Variants in PRIMA1 observed in about 807,000 individuals in gnomAD.
The protein encoded by PRIMA1 is proline-rich membrane anchor 1.
Under a neutral mutation model 17.5 loss-of-function variants are expected in PRIMA1, and 7 were observed. The ratio of observed to expected loss-of-function variants is 0.40; its 90% CI spans 0.23 to 0.75. The LOEUF (loss-of-function observed/expected upper bound fraction) is 0.75. Ranked by LOEUF, PRIMA1 falls within the 30% of genes least tolerant of loss-of-function variation. The pLI is 0.37. For synonymous variants in PRIMA1, 97 were observed against 77.9 expected, an observed-to-expected ratio of 1.25 and a Z score of -1.29; for missense variants, 200 against 201.8, an observed-to-expected ratio of 0.99 and a Z score of 0.05.
chr14:93,739,075 G>A (rs889772759), intron 3 of PRIMA1, among the ~76,000 whole-genome samples: 6 of 149,796 alleles, frequency 4.0e-5, no homozygotes, highest in Non-Finnish European at 7.4e-5. Context: ...TTTTTGAGAC[G>A]GAGTTTCGCT....
chr14:93,722,605 T>TG, intron 4 of PRIMA1, among the ~76,000 whole-genome samples: 1 of 141,320 alleles, frequency 7.1e-6, no homozygotes, highest in African/African-American at 2.5e-5. Flanking sequence ...ATGGTGGTTA[T>TG]ATGGTGGTGG....
intron 3 of PRIMA1, among the ~76,000 whole-genome samples, chr14:93,769,133 G>A (rs964693494): frequency 2.0e-5 from 3 of 152,218 alleles, no homozygotes; most frequent in Admixed American, 2.0e-4. Context: ...TTGTACAGAG[G>A]GGAATGCAAG....
intron 3 of PRIMA1, among the ~76,000 whole-genome samples, chr14:93,744,133 A>C (rs1170606018): frequency 6.6e-6 from 1 of 152,198 alleles, no homozygotes; most frequent in Non-Finnish European, 1.5e-5. Context: ...CAGGGACCAG[A>C]CCCAGGTCCT....
rs2076076105 is a variant in PRIMA1 at position 93,726,380 on chromosome 14, T to C, written c.360-4834A>G. On this transcript the variant is annotated intron_variant, in intron 4 of 4. Coordinates refer to ENST00000393140, the MANE Select transcript of PRIMA1 (RefSeq NM_178013.4). The surrounding 1 kb of genome is among the most constrained non-coding windows in gnomAD (Gnocchi z 4.2). ...TCTGGGAGCCTAAGAAGGGAGGCTG[T>C]CTTCCTGCCTCATGCGCCCCTGGGA... Among the ~76,000 whole-genome samples, 2 of 152,094 alleles carry C rather than the reference T, an allele frequency of 1.3e-5. No individual in the cohort carries two copies. The highest frequency in any genetic ancestry group is 2.4e-5 in the African/African-American group (1 of 41,406).
At chr14:93,769,902 C>CT (rs1033226174) in intron 3 of PRIMA1, among the ~76,000 whole-genome samples, 12 of 152,170 alleles carry the variant, frequency 7.9e-5, no homozygotes, top group African/African-American at 2.4e-4. Flanking sequence ...GAGCCACCGC[C>CT]TTCCTTGCAC....
intron 3 of PRIMA1, among the ~76,000 whole-genome samples, chr14:93,760,060 C>A (rs1347439396): frequency 1.3e-5 from 2 of 152,214 alleles, no homozygotes; most frequent in African/African-American, 4.8e-5. Context: ...CCGAGGGCTG[C>A]CTGACCATAT....
chr14:93,769,649 C>T (rs992987509), intron 3 of PRIMA1, among the ~76,000 whole-genome samples: 11 of 152,190 alleles, frequency 7.2e-5, no homozygotes, highest in African/African-American at 2.7e-4. Flanking sequence ...AGGCGGGTCA[C>T]GGGGACTGGC....
intron 3 of PRIMA1, among the ~76,000 whole-genome samples, chr14:93,765,814 C>A (rs537577864): frequency 2.6e-5 from 4 of 152,332 alleles, no homozygotes; most frequent in African/African-American, 7.2e-5. Context: ...CCAATCCTAG[C>A]ACCCCCAGTT....
chr14:93,720,585 G>A lies in PRIMA1; in HGVS notation c.*859C>T, dbSNP rs1257056673. On this transcript the variant is annotated 3_prime_UTR_variant, in exon 5 of 5. Transcript: ENST00000393140. ...CCACAGTGGATTTGGCACAAGTAGT[G>A]GCCTCTGCTGACTAAGGCAGGGCCT... 2.0e-5 allele frequency: 3 copies of A among 152,950 alleles called. No individual in the cohort carries two copies. Among genetic ancestry groups the A allele is most frequent in the African/African-American group, 7.2e-5 (3 of 41,464 alleles). The allele number at this position is 152,950 out of a possible 1,614,324, so 9.5% of individuals were successfully genotyped here.
At chr14:93,785,824 ATTGAT>A (rs1350107666) in intron 2 of PRIMA1, among the ~76,000 whole-genome samples, 1 of 151,976 alleles carries the variant, frequency 6.6e-6, no homozygotes, top group Non-Finnish European at 1.5e-5. Flanking sequence ...TTTTATGAAA[ATTGAT>A]TTGTATTGAG....
At chr14:93,727,590 A>C (rs1428964151) in intron 4 of PRIMA1, among the ~76,000 whole-genome samples, 1 of 152,064 alleles carries the variant, frequency 6.6e-6, no homozygotes, top group East Asian at 1.9e-4. Context: ...CTGAAACTCC[A>C]GGGACAATGC....
intron 3 of PRIMA1, among the ~76,000 whole-genome samples, chr14:93,768,680 A>G (rs139290453): frequency 2.9e-4 from 44 of 152,354 alleles, no homozygotes; most frequent in Non-Finnish European, 5.7e-4. Flanking sequence ...GTAAATTAAA[A>G]TATGTATAAA....
chr14:93,719,515 GGT>G lies in PRIMA1; in HGVS notation c.*1927_*1928del, dbSNP rs1224808309. On this transcript the variant is annotated 3_prime_UTR_variant, in exon 5 of 5. Coordinates refer to ENST00000393140, the MANE Select transcript of PRIMA1 (RefSeq NM_178013.4). ...CTTTCTCATGGTTGCAGCACAGGGT[GGT>G]GTGTGCTTAGGGCTAGGGTCCTGCC... 1 of 152,534 alleles carries G rather than the reference GGT, an allele frequency of 6.6e-6. No homozygotes were observed. The highest frequency in any genetic ancestry group is 1.5e-5 in the Non-Finnish European group (1 of 68,304). The allele number at this position is 152,534 out of a possible 1,614,324, so 9.4% of individuals were successfully genotyped here.
intron 3 of PRIMA1, among the ~76,000 whole-genome samples, chr14:93,750,490 G>T (rs2076253189): frequency 6.6e-6 from 1 of 152,178 alleles, no homozygotes; most frequent in Admixed American, 6.5e-5. Context: ...TTTGCAGAGG[G>T]GTTCAGGGTC....
At chr14:93,749,850 C>T (rs544528950) in intron 3 of PRIMA1, among the ~76,000 whole-genome samples, 1 of 152,096 alleles carries the variant, frequency 6.6e-6, no homozygotes, top group South Asian at 2.1e-4. Context: ...TGTGACCAGC[C>T]TGGGCAACAT....
chr14:93,741,248 A>T (rs1280535921), intron 3 of PRIMA1, among the ~76,000 whole-genome samples: 1 of 152,196 alleles, frequency 6.6e-6, no homozygotes, highest in Non-Finnish European at 1.5e-5. Flanking sequence ...GAGGAAGTCT[A>T]GGAGGTGTTA....
Position 93,721,349 on chromosome 14 carries a change from G to T in PRIMA1, c.*95C>A. 1 of 762,120 alleles carries T rather than the reference G, an allele frequency of 1.3e-6. No individual in the cohort carries two copies. Among genetic ancestry groups the T allele is most frequent in the Non-Finnish European group, 2.2e-6 (1 of 449,092 alleles). The allele number at this position is 762,120 out of a possible 1,614,324, so 47.2% of individuals were successfully genotyped here. A position where few individuals can be genotyped will look rare whatever the true frequency, so the allele number is the denominator to read the frequency against. ...GGGCCTGTGAGGCAATGAAGTCCTG[G>T]ACAAGCTCAGGGTTAGCTCATGTCC... On this transcript the variant is annotated 3_prime_UTR_variant, in exon 5 of 5. Transcript: ENST00000393140.
At chr14:93,730,103 G>C (rs1227644490) in intron 4 of PRIMA1, among the ~76,000 whole-genome samples, 1 of 152,170 alleles carries the variant, frequency 6.6e-6, no homozygotes, top group African/African-American at 2.4e-5. Flanking sequence ...GCAAGTCTGT[G>C]GGAACAAGCC....
At chr14:93,724,136 C>T (rs1368269346) in intron 4 of PRIMA1, among the ~76,000 whole-genome samples, 1 of 152,114 alleles carries the variant, frequency 6.6e-6, no homozygotes, top group Non-Finnish European at 1.5e-5. Context: ...CCTCCCGTCT[C>T]GGCCTCCCAA....
Sources: allele counts gnomAD v4.1 joint callset (sites outside exome capture counted in the v4.1 genomes callset), GRCh38; gene constraint gnomAD v4.1.1; non-coding constraint Gnocchi (gnomAD v3.1); transcripts MANE v1.5; gene names NCBI Gene and HGNC (gene_info 2026-07-23, HGNC 2026-07-21).